The following IL1RAPL1 variants were observed in gnomAD, a reference collection of about 807,000 sequenced individuals.
IL1RAPL1 encodes interleukin-1 receptor accessory protein-like 1.
Under a neutral mutation model 48.4 loss-of-function variants are expected in IL1RAPL1, and 3 were observed. The observed-to-expected ratio is 0.06, with a 90% confidence interval of 0.03 to 0.16. The LOEUF is 0.16. Among genes scored for constraint, IL1RAPL1 ranks in the 10% least tolerant of loss-of-function variants. The probability of loss-of-function intolerance (pLI) is 1.00; values close to 1 mark genes in which losing one functional copy is unlikely to be tolerated. For synonymous variants in IL1RAPL1, 185 were observed against 187.7 expected (o/e 0.99, Z 0.12); for missense variants, 349 against 530.6 (o/e 0.66, Z 3.36).
At chrX:29,267,670 G>A (rs747995373) in intron 2 of IL1RAPL1, among the ~76,000 whole-genome samples, 2 of 111,524 alleles carry the variant, frequency 1.8e-5, no homozygotes, top group Admixed American at 1.9e-4. Context: ...TCCATTTTCT[G>A]CATGAGTCAG....
chrX:29,131,042 A>G (rs1292582255), intron 2 of IL1RAPL1, among the ~76,000 whole-genome samples: 2 of 111,944 alleles, frequency 1.8e-5, no homozygotes, highest in Non-Finnish European at 3.8e-5. Context: ...ACTGCGGAGA[A>G]GAAAACCGTG....
chrX:28,819,537 T>G (rs1488046107), intron 2 of IL1RAPL1, among the ~76,000 whole-genome samples: 2 of 111,013 alleles, frequency 1.8e-5, no homozygotes, highest in Non-Finnish European at 3.8e-5. Flanking sequence ...AAGTGAAGTT[T>G]AAGCCATACA....
intron 6 of IL1RAPL1, among the ~76,000 whole-genome samples, chrX:29,739,204 T>G (rs1333288956): frequency 8.9e-6 from 1 of 112,678 alleles, no homozygotes; most frequent in African/African-American, 3.2e-5. Context: ...TCTTCTGTAT[T>G]ATGCTGTCTC....
rs34962805 is a variant in IL1RAPL1, at chrX:29,691,772, A to AAAAAAAG, written c.778+23268_778+23269insAAAAAAG. ...TCTCAAAAAAAAAAAAAAAAAAAAA[A>AAAAAAAG]CTCACTATACTGTTTTCTGCTGCTA... On this transcript the variant is annotated intron_variant, in intron 6 of 10. Transcript: ENST00000378993. 1.9e-4 allele frequency among the ~76,000 whole-genome samples: 17 copies of AAAAAAAG among 90,111 alleles called. 1 individual carries two copies. Among genetic ancestry groups the AAAAAAAG allele is most frequent in the African/African-American group, 7.0e-4 (15 of 21,531 alleles). The allele number at this position is 90,111 out of a possible 115,157, so 78.3% of individuals were successfully genotyped here.
At chrX:28,962,900 G>GTT in intron 2 of IL1RAPL1, among the ~76,000 whole-genome samples, 1 of 109,585 alleles carries the variant, frequency 9.1e-6, no homozygotes, top group Middle Eastern at 4.6e-3. Context: ...GTGTGTGTGT[G>GTT]TGTGTGTGTG....
intron 5 of IL1RAPL1, among the ~76,000 whole-genome samples, chrX:29,480,129 C>T (rs964417104): frequency 9.2e-6 from 1 of 108,448 alleles, no homozygotes; most frequent in Admixed American, 9.9e-5. Context: ...AACAAATGTT[C>T]GATGACCACT....
chrX:29,660,519 G>A (rs1275269099), intron 5 of IL1RAPL1, among the ~76,000 whole-genome samples: 1 of 111,538 alleles, frequency 9.0e-6, no homozygotes, highest in Admixed American at 9.6e-5. Context: ...TTTTGTATAT[G>A]GTAAAAGATG....
chrX:28,965,027 A>G (rs1423110042), intron 2 of IL1RAPL1, among the ~76,000 whole-genome samples: 3 of 110,975 alleles, frequency 2.7e-5, no homozygotes, highest in Non-Finnish European at 3.8e-5. Context: ...AGAATGTTAT[A>G]CACACACACA....
At chrX:29,719,145 T>C (rs1927564242) in intron 6 of IL1RAPL1, among the ~76,000 whole-genome samples, 1 of 111,380 alleles carries the variant, frequency 9.0e-6, no homozygotes, top group Admixed American at 9.6e-5. Context: ...CTTTTGGTTA[T>C]GTTTACCTCC....
At chrX:29,177,577 GGTACT>G (rs1428481563) in intron 2 of IL1RAPL1, among the ~76,000 whole-genome samples, 1 of 111,648 alleles carries the variant, frequency 9.0e-6, no homozygotes, top group Non-Finnish European at 1.9e-5. Context: ...TATTGTTTAA[GGTACT>G]GTATTGTTTA....
At chrX:29,740,039 T>G (rs1304901270) in intron 6 of IL1RAPL1, among the ~76,000 whole-genome samples, 1 of 103,051 alleles carries the variant, frequency 9.7e-6, no homozygotes, top group Non-Finnish European at 1.9e-5. Context: ...CAGGTTGCAG[T>G]GAGCCAAGAT....
chrX:28,859,546 C>A (rs1489807495), intron 2 of IL1RAPL1, among the ~76,000 whole-genome samples: 1 of 111,084 alleles, frequency 9.0e-6, no homozygotes, highest in African/African-American at 3.3e-5. Flanking sequence ...GAGTGAGCCA[C>A]CGCGCCTGGG....
intron 5 of IL1RAPL1, among the ~76,000 whole-genome samples, chrX:29,551,921 T>G (rs1452905194): frequency 9.0e-6 from 1 of 110,979 alleles, no homozygotes; most frequent in Non-Finnish European, 1.9e-5. Flanking sequence ...TTCCCTGAGT[T>G]TCATTAACTT....
intron 1 of IL1RAPL1, among the ~76,000 whole-genome samples, chrX:28,757,632 C>A (rs1055947559): frequency 9.0e-6 from 1 of 111,573 alleles, no homozygotes; most frequent in African/African-American, 3.3e-5. Flanking sequence ...GATACCTCCA[C>A]CTTGAAGACA....
chrX:29,753,109 C>G (rs1928530441), intron 6 of IL1RAPL1, among the ~76,000 whole-genome samples: 1 of 111,450 alleles, frequency 9.0e-6, no homozygotes, highest in Admixed American at 9.5e-5. Flanking sequence ...CTTAACATGT[C>G]CAAAACATTC....
intron 2 of IL1RAPL1, among the ~76,000 whole-genome samples, chrX:29,240,787 T>C (rs1395478514): frequency 1.8e-5 from 2 of 111,634 alleles, no homozygotes; most frequent in African/African-American, 6.5e-5. Flanking sequence ...GATCATGGAA[T>C]TTTTCTCAAC....
At chrX:28,792,817 A>C in intron 2 of IL1RAPL1, among the ~76,000 whole-genome samples, 1 of 9,070 alleles carries the variant, frequency 1.1e-4, no homozygotes, top group Non-Finnish European at 2.1e-4. Context: ...AAAAAAAAAA[A>C]TATATATATA....
chrX:29,110,793 A>G (rs1223257951), intron 2 of IL1RAPL1, among the ~76,000 whole-genome samples: 5 of 111,495 alleles, frequency 4.5e-5, no homozygotes, highest in African/African-American at 1.6e-4. Context: ...TTTCATTGCT[A>G]TTCAAGTTAT....
intron 2 of IL1RAPL1, among the ~76,000 whole-genome samples, chrX:29,004,451 C>T (rs1039634105): frequency 3.3e-4 from 37 of 111,516 alleles, no homozygotes; most frequent in African/African-American, 9.4e-4. Flanking sequence ...TGAGTTTATA[C>T]GGAGAAAAGT....
Sources: gnomAD v4.1 joint callset for allele counts (sites outside exome capture counted in the v4.1 genomes callset) on GRCh38, gnomAD v4.1.1 for gene constraint, MANE v1.5 for transcripts, NCBI Gene and HGNC (gene_info 2026-07-23, HGNC 2026-07-21) for gene names.